DMXL2: variants seen among roughly 807,000 people sequenced by gnomAD.
DMXL2 encodes the protein Dmx like 2, also known as dmX-like protein 2.
In DMXL2, 103 loss-of-function variants were observed where a neutral mutation model predicts 331.1. That is an observed-to-expected ratio of 0.31 (90% CI 0.27 to 0.37). The LOEUF (loss-of-function observed/expected upper bound fraction) is 0.37. DMXL2 is among the 10% of genes least tolerant of loss of function. The probability of loss-of-function intolerance (pLI) is 1.00; values close to 1 mark genes in which losing one functional copy is unlikely to be tolerated. For synonymous variants in DMXL2, 1,281 were observed against 1,252.1 expected (o/e 1.02, Z -0.49); for missense variants, 3,171 against 3,642.9 (o/e 0.87, Z 3.33).
rs757447941 is a variant in DMXL2, at chr15:51,500,147, A to T, written c.3077T>A (p.Phe1026Tyr). Residue 1026 changes from phenylalanine to tyrosine, a missense_variant, in exon 18 of 44, where the codon TTC (phenylalanine) becomes TAC (tyrosine). Physicochemically the swap from Phe to Tyr is conservative, Grantham distance 22. Transcript: ENST00000560891. ...VTTCSDNKVR[F>Y]WKCCMEANPE... ...GTTGGCTTCCATACAACATTTCCAG[A>T]AGCGTACTTTATTGTCAGAACAAGT... 12 of 1,614,220 alleles carry T rather than the reference A, an allele frequency of 7.4e-6. No individual in the cohort carries two copies. The South Asian group carries it at 9.9e-5, about 13-fold the overall frequency.
At chr15:51,468,855 C>T (rs2040835793) in intron 29 of DMXL2, among the ~76,000 whole-genome samples, 1 of 151,984 alleles carries the variant, frequency 6.6e-6, no homozygotes, top group African/African-American at 2.4e-5. Context: ...TGACAAGATT[C>T]AGAGGAACAA....
At chr15:51,556,791 T>C (rs967781855) in intron 6 of DMXL2, among the ~76,000 whole-genome samples, 4 of 151,928 alleles carry the variant, frequency 2.6e-5, no homozygotes, top group East Asian at 1.9e-4. Context: ...AAGATAAAAA[T>C]TGTCTCATTA....
chr15:51,583,106 C>CTTTTTTTTTTTTTCTTTTTTTTTTT (rs2051563028), intron 1 of DMXL2, among the ~76,000 whole-genome samples: 1 of 87,180 alleles, frequency 1.1e-5, no homozygotes, highest in Non-Finnish European at 2.5e-5. Flanking sequence ...CTTCATTCTT[C>CTTTTTTTTTTTTTCTTTTTTTTTTT]TTTTTTTTTT....
At chr15:51,543,832 T>C (rs1288038233) in intron 8 of DMXL2, among the ~76,000 whole-genome samples, 2 of 152,108 alleles carry the variant, frequency 1.3e-5, no homozygotes, top group Admixed American at 6.6e-5. Flanking sequence ...TCTGTTCTAT[T>C]TTACATGGCA....
At position 51,516,992 on chromosome 15, in the gene DMXL2, AT is replaced by A. The variant is rs2047071826; in HGVS notation, c.2526+85del. 5.5e-5 allele frequency: 57 copies of A among 1,031,206 alleles called. 1 individual carries two copies. In the South Asian group the frequency reaches 8.5e-4, roughly 15 times the overall value. 63.9% of individuals were successfully genotyped at this position (1,031,206 alleles called of 1,614,324 possible). A position where few individuals can be genotyped will look rare whatever the true frequency, so the allele number is the denominator to read the frequency against. ...GCATTTAATAACAAACAAGAAAATT[AT>A]TCTGAGAATGACATATATCATATAC... On this transcript the variant is annotated intron_variant, in intron 14 of 43. Transcript: ENST00000560891.
chr15:51,606,198 ATG>A (rs1283391145), intron 1 of DMXL2, among the ~76,000 whole-genome samples: 2 of 151,980 alleles, frequency 1.3e-5, no homozygotes, highest in Admixed American at 1.3e-4. Flanking sequence ...GAGATTTTGT[ATG>A]TGTGTGTGTG....
chr15:51,600,105 A>G (rs931363283), intron 1 of DMXL2, among the ~76,000 whole-genome samples: 17 of 152,216 alleles, frequency 1.1e-4, no homozygotes, highest in African/African-American at 4.1e-4. Flanking sequence ...TGTGTAGTGA[A>G]TTCCTATAAT....
chr15:51,480,811 T>C lies in DMXL2; in HGVS notation c.6295A>G (p.Ser2099Gly). ...CTCTCTACTTTGGAATATGTCTTAC[T>C]GGAATACTCTTTAATAACTGATTCA... ...NHESVIKEYS[S>G]KTYSKVESDL... is the part of the protein sequence containing the mutation. Residue 2099 changes from serine (S) to glycine (G), a missense_variant, in exon 24 of 44, where the codon AGT becomes GGT. Ser to Gly is a moderately conservative substitution (Grantham distance 56, BLOSUM62 0). Around this residue, in one of 7 missense-constraint regions of DMXL2, gnomAD observed 197 missense variants for 196.2 expected, o/e 1.00. Coordinates refer to ENST00000560891, the MANE Select transcript of DMXL2 (RefSeq NM_001378457.1). The C allele has an allele frequency of 1.9e-6, 3 of 1,610,808 alleles. No homozygotes were observed. Among genetic ancestry groups the C allele is most frequent in the Non-Finnish European group, 1.7e-6 (2 of 1,178,476 alleles).
intron 1 of DMXL2, among the ~76,000 whole-genome samples, chr15:51,580,642 A>G (rs2051345153): frequency 1.3e-5 from 2 of 152,192 alleles, no homozygotes; most frequent in Admixed American, 1.3e-4. Flanking sequence ...AGGCCCAAGA[A>G]AAGAGGAAGA....
intron 42 of DMXL2, 143 bp from the exon 43 acceptor site, chr15:51,450,489 T>G: frequency 1.2e-6 from 1 of 802,104 alleles, no homozygotes; most frequent in Non-Finnish European, 2.0e-6. Context: ...GTCATTGAAT[T>G]TCTGTAATCA....
intron 13 of DMXL2, among the ~76,000 whole-genome samples, chr15:51,519,062 T>C (rs779856382): frequency 1.1e-4 from 16 of 152,142 alleles, no homozygotes; most frequent in South Asian, 2.1e-4. Context: ...CATTTAAATA[T>C]AGAACCCAAG....
intron 33 of DMXL2, chr15:51,460,155 G>A: frequency 2.0e-6 from 2 of 984,082 alleles, no homozygotes; most frequent in South Asian, 9.4e-5. Context: ...AATCAGGCAC[G>A]GAAAAAGAAA....
chr15:51,541,808 C>G (rs1333101925), intron 9 of DMXL2, among the ~76,000 whole-genome samples: 1 of 151,966 alleles, frequency 6.6e-6, no homozygotes, highest in Non-Finnish European at 1.5e-5. Flanking sequence ...CAACACAGAA[C>G]CTGCCTCAAA....
intron 7 of DMXL2, among the ~76,000 whole-genome samples, chr15:51,546,006 A>G (rs1192526875): frequency 6.6e-6 from 1 of 152,232 alleles, no homozygotes; most frequent in Non-Finnish European, 1.5e-5. Context: ...CTAGAGGATT[A>G]TTAGTATCTC....
chr15:51,456,306 T>TA lies in DMXL2; in HGVS notation c.8398+2dup. The TA allele has an allele frequency of 1.3e-6, 2 of 1,588,892 alleles. No individual in the cohort carries two copies. Among genetic ancestry groups the TA allele is most frequent in the Non-Finnish European group, 1.7e-6 (2 of 1,164,378 alleles). On this transcript the variant is annotated splice_region_variant and intron_variant, in intron 38 of 43. Coordinates refer to ENST00000560891, the MANE Select transcript of DMXL2 (RefSeq NM_001378457.1). ...TTACAATTATTAGGTCATAAATACT[T>TA]ACAGTATTGATGGACTGGGTGTGAA...
In DMXL2 at chr15:51,621,171, AAC is replaced by A. The variant is rs145200856; in HGVS notation, c.87+1286_87+1287del. Among the ~76,000 whole-genome samples, 758 of 152,330 alleles carry A rather than the reference AAC, an allele frequency of 5.0e-3. 5 individuals carry two copies. Among genetic ancestry groups the A allele is most frequent in the African/African-American group, 0.017 (727 of 41,574 alleles). Reference sequence around the variant, plus strand: ...AATATTTTAAGTCACATGTACATAAAACACAGATGACAAAAGGGGTCGTTCTA... The same window carrying A: ...AATATTTTAAGTCACATGTACATAAAACAGATGACAAAAGGGGTCGTTCTA... On this transcript the variant is annotated intron_variant, in intron 1 of 43. Transcript: ENST00000560891.
chr15:51,551,385 A>T (rs1051597362), intron 6 of DMXL2, among the ~76,000 whole-genome samples: 3 of 152,050 alleles, frequency 2.0e-5, no homozygotes, highest in African/African-American at 7.2e-5. Context: ...AGAAAATAAA[A>T]TTTTTGTGGA....
chr15:51,508,020 T>C (rs564410636), intron 15 of DMXL2, among the ~76,000 whole-genome samples: 23 of 152,220 alleles, frequency 1.5e-4, no homozygotes, highest in African/African-American at 4.8e-4. Flanking sequence ...AATGACAACA[T>C]ATTGGTAATG....
At chr15:51,477,491 C>T (rs943634394) in intron 26 of DMXL2, among the ~76,000 whole-genome samples, 1 of 151,790 alleles carries the variant, frequency 6.6e-6, no homozygotes, top group Non-Finnish European at 1.5e-5. Flanking sequence ...TTAGACACAG[C>T]CTAATTAAGT....
Sources: allele counts gnomAD v4.1 joint callset (sites outside exome capture counted in the v4.1 genomes callset), GRCh38; gene constraint gnomAD v4.1.1; regional missense constraint gnomAD v4.1.1; transcripts MANE v1.5; gene names NCBI Gene and HGNC (gene_info 2026-07-23, HGNC 2026-07-21).